The following IGSF3 variants were observed in gnomAD, a reference collection of about 807,000 sequenced individuals.
IGSF3 encodes the protein glu-Trp-Ile EWI motif-containing protein 3.
A neutral mutation model predicts 114.4 loss-of-function variants in IGSF3; 23 were observed. The observed-to-expected ratio is 0.20, with a 90% CI of 0.14 to 0.28. The LOEUF (loss-of-function observed/expected upper bound fraction) is 0.28. Among genes scored for constraint, IGSF3 ranks in the 10% least tolerant of loss-of-function variants. The pLI is 1.00. For synonymous variants in IGSF3, 571 were observed against 645.2 expected (o/e 0.88, Z 1.74); for missense variants, 1,172 against 1,591.5 (o/e 0.74, Z 4.48).
In IGSF3 at chr1:116,647,124, A is replaced by G. The variant is rs1264306186; in HGVS notation, c.43+19160T>C. Among the ~76,000 whole-genome samples the G allele has an allele frequency of 6.6e-6, 1 of 152,242 alleles. No individual in the cohort carries two copies. The highest frequency in any genetic ancestry group is 1.9e-4 in the East Asian group (1 of 5,198). On this transcript the variant is annotated intron_variant, in intron 2 of 10. Transcript: ENST00000369486. This position sits in a 1 kb window ranked among gnomAD's most constrained non-coding sequence, Gnocchi z 4.6. ...CTGGGGGACACTTAGAGGCAAAGGT[A>G]TGGCAGGTGACAAAAAAGATGAGGC...
rs560800286 is a variant in IGSF3 at position 116,644,421 on chromosome 1, G to T, written c.43+21863C>A. Among the ~76,000 whole-genome samples the T allele has an allele frequency of 7.9e-5, 12 of 152,356 alleles. No homozygotes were observed. The highest frequency in any genetic ancestry group is 1.3e-4 in the Non-Finnish European group (9 of 68,032). On this transcript the variant is annotated intron_variant, in intron 2 of 10. Transcript: ENST00000369486. This position sits in a 1 kb window ranked among gnomAD's most constrained non-coding sequence, Gnocchi z 5.6. ...CACAGCAGGAATTCAGCCTCTGGCA[G>T]CCGTGATGATGCTGAGGCAGTGTCC...
At chr1:116,639,282 A>G (rs1237114954) in intron 2 of IGSF3, among the ~76,000 whole-genome samples, 1 of 152,258 alleles carries the variant, frequency 6.6e-6, no homozygotes, top group East Asian at 1.9e-4. Flanking sequence ...GAAGATGGAC[A>G]GGCAGGACCA....
chr1:116,629,556 G>A lies in IGSF3; in HGVS notation c.44-13099C>T, dbSNP rs1330046127. On this transcript the variant is annotated intron_variant, in intron 2 of 10. Coordinates refer to ENST00000369486, the MANE Select transcript of IGSF3 (RefSeq NM_001007237.3). This position sits in a 1 kb window ranked among gnomAD's most constrained non-coding sequence, Gnocchi z 4.3. ...TGAATTCAGGTTGTGTAAGTGGAGA[G>A]GAGGGAGGTGGCCAAGGAGCCTGAA... Among the ~76,000 whole-genome samples, 1 of 152,174 alleles carries A rather than the reference G, an allele frequency of 6.6e-6. No homozygotes were observed. Among genetic ancestry groups the A allele is most frequent in the Non-Finnish European group, 1.5e-5 (1 of 68,020 alleles).
rs1443255724 is a variant in IGSF3 at position 116,588,232 on chromosome 1, T to C, written c.2440+462A>G. ...GAGGAGGAATGATTCAGTTTGGAGA[T>C]AGGAAAGGCTTGTCTGGGCGGGCTG... On this transcript the variant is annotated intron_variant, in intron 8 of 10. Transcript: ENST00000369486. The surrounding 1 kb of genome is among the most constrained non-coding windows in gnomAD (Gnocchi z 4.9). 6.6e-6 allele frequency among the ~76,000 whole-genome samples: 1 copy of C among 151,940 alleles called. No individual in the cohort carries two copies. Among genetic ancestry groups the C allele is most frequent in the Non-Finnish European group, 1.5e-5 (1 of 67,968 alleles).
chr1:116,617,231 C>T, intron 2 of IGSF3: 1 of 938,766 alleles, frequency 1.1e-6, no homozygotes, highest in Non-Finnish European at 1.3e-6. Flanking sequence ...CCGCTGACCT[C>T]CTGCCTTCTG....
Position 116,600,227 on chromosome 1 carries a change from T to G in IGSF3, c.1743A>C (p.Thr581=). The change falls in exon 7 of 11, where the codon ACA becomes ACC. Residue 581 remains threonine, a synonymous_variant. Transcript: ENST00000369486. The surrounding 1 kb of genome is among the most constrained non-coding windows in gnomAD (Gnocchi z 5.5). The stretch of plus-strand genomic sequence containing the variant: ...CCGTGCCCACCGGCTGGAACCGCCA[T>G]GTCACCGACACGGGGACCCAGGCAG... ...HYPAWVPVSV[T]WRFQPVGTVE... is the part of the protein sequence containing the mutation. 1 of 1,614,230 alleles carries G rather than the reference T, an allele frequency of 6.2e-7. No homozygotes were observed. The highest frequency in any genetic ancestry group is 8.5e-7 in the Non-Finnish European group (1 of 1,180,046).
intron 2 of IGSF3, among the ~76,000 whole-genome samples, chr1:116,620,007 C>G (rs919177954): frequency 1.3e-5 from 2 of 151,512 alleles, no homozygotes; most frequent in African/African-American, 4.9e-5. Context: ...AGTTTTATAA[C>G]TAGAAAAAAA....
chr1:116,645,289 C>T (rs1442542998), intron 2 of IGSF3, among the ~76,000 whole-genome samples: 1 of 152,228 alleles, frequency 6.6e-6, no homozygotes, highest in African/African-American at 2.4e-5. Context: ...ATGTGCATCA[C>T]ATTCTGTACA....
chr1:116,621,181 T>C (rs1661405404), intron 2 of IGSF3, among the ~76,000 whole-genome samples: 1 of 152,164 alleles, frequency 6.6e-6, no homozygotes, highest in African/African-American at 2.4e-5. Context: ...CTGCTTCCCC[T>C]TCACCTTCCA....
Position 116,661,958 on chromosome 1 carries a change from C to T in IGSF3, c.43+4326G>A, listed in dbSNP as rs1649135634. 1.3e-5 allele frequency among the ~76,000 whole-genome samples: 2 copies of T among 152,230 alleles called. No individual in the cohort carries two copies. The highest frequency in any genetic ancestry group is 3.4e-3 in the Middle Eastern group (1 of 294). ...TTTTCTTCCTTCCTGATGGCTGCGG[C>T]TAGAAGAGTCATCTTGGACCATGAA... On this transcript the variant is annotated intron_variant, in intron 2 of 10. Coordinates refer to ENST00000369486, the MANE Select transcript of IGSF3 (RefSeq NM_001007237.3). This position sits in a 1 kb window ranked among gnomAD's most constrained non-coding sequence, Gnocchi z 4.0.
In IGSF3 at chr1:116,616,061, G is replaced by A; in HGVS notation, c.421+19C>T. The A allele has an allele frequency of 6.3e-7, 1 of 1,581,546 alleles. No individual in the cohort carries two copies. The highest frequency in any genetic ancestry group is 8.7e-7 in the Non-Finnish European group (1 of 1,154,220). On this transcript the variant is annotated intron_variant, in intron 3 of 10. Coordinates refer to ENST00000369486, the MANE Select transcript of IGSF3 (RefSeq NM_001007237.3). This position sits in a 1 kb window ranked among gnomAD's most constrained non-coding sequence, Gnocchi z 6.6. Reference sequence around the variant, plus strand: ...GAGTCAGGCCAGACGCTGGCAACGTGAAGACAGCTTCTCCTTACCCACTAG... The same window carrying A: ...GAGTCAGGCCAGACGCTGGCAACGTAAAGACAGCTTCTCCTTACCCACTAG...
At chr1:116,663,767 C>A (rs540421715) in intron 2 of IGSF3, among the ~76,000 whole-genome samples, 3 of 152,224 alleles carry the variant, frequency 2.0e-5, no homozygotes, top group Admixed American at 6.5e-5. Flanking sequence ...CCCTCACATA[C>A]TGTCCAGGGT....
rs2284863 is a variant in IGSF3 at position 116,650,130 on chromosome 1, A to C, written c.43+16154T>G. Among the ~76,000 whole-genome samples the C allele has an allele frequency of 0.22, 33,252 of 152,186 alleles. 3,899 individuals carry two copies. The highest frequency in any genetic ancestry group is 0.43 in the East Asian group (2,205 of 5,160). ...TGATAATCTGAATGGTACAAGAAGA[A>C]ATCCTGTTTCATGCTCCTTTGAGGG... On this transcript the variant is annotated intron_variant, in intron 2 of 10. Transcript: ENST00000369486. The surrounding 1 kb of genome is among the most constrained non-coding windows in gnomAD (Gnocchi z 5.0).
At position 116,579,542 on chromosome 1, in the gene IGSF3, G is replaced by A. The variant is rs759853616; in HGVS notation, c.3184C>T (p.Leu1062Phe). Residue 1062 changes from leucine to phenylalanine, a missense_variant, in exon 10 of 11, where the codon CTC (leucine) becomes TTC (phenylalanine). Coordinates refer to ENST00000369486, the MANE Select transcript of IGSF3 (RefSeq NM_001007237.3). The surrounding 1 kb of genome is among the most constrained non-coding windows in gnomAD (Gnocchi z 6.4). Reference sequence around the variant, plus strand: ...GCCTGCAGCACTGTGAGCCGGTAGAGCACCGGGGAGAGCCTCTGGAAGCGA... The same window carrying A: ...GCCTGCAGCACTGTGAGCCGGTAGAACACCGGGGAGAGCCTCTGGAAGCGA... ...RLRFQRLSPV[L>F]YRLTVLQASP... 3.1e-6 allele frequency: 5 copies of A among 1,614,068 alleles called. No homozygotes were observed. The African/African-American group carries it at 5.3e-5, about 17-fold the overall frequency.
chr1:116,616,028 A>G lies in IGSF3; in HGVS notation c.421+52T>C, dbSNP rs1329550407. The G allele has an allele frequency of 3.3e-6, 5 of 1,507,014 alleles. No individual in the cohort carries two copies. In the South Asian group the frequency reaches 5.3e-5, roughly 16 times the overall value. The allele number at this position is 1,507,014 out of a possible 1,614,324, so 93.4% of individuals were successfully genotyped here. A position where few individuals can be genotyped will look rare whatever the true frequency, so the allele number is the denominator to read the frequency against. On this transcript the variant is annotated intron_variant, in intron 3 of 10. Transcript: ENST00000369486. The surrounding 1 kb of genome is among the most constrained non-coding windows in gnomAD (Gnocchi z 6.6). ...TGGCATAAAGCAAAATTACGCTACTAAAGAACTGAGTCAGGCCAGACGCTG... is the reference window on the plus strand; with the variant it reads ...TGGCATAAAGCAAAATTACGCTACTGAAGAACTGAGTCAGGCCAGACGCTG...
At position 116,642,958 on chromosome 1, in the gene IGSF3, C is replaced by T. The variant is rs1648175756; in HGVS notation, c.43+23326G>A. Reference sequence around the variant, plus strand: ...CCCATCTTCACTTGCAATACTCACTCCCCTCACCTCTGCCCCTAAAGCAAT... The same window carrying T: ...CCCATCTTCACTTGCAATACTCACTTCCCTCACCTCTGCCCCTAAAGCAAT... On this transcript the variant is annotated intron_variant, in intron 2 of 10. Transcript: ENST00000369486. This position sits in a 1 kb window ranked among gnomAD's most constrained non-coding sequence, Gnocchi z 5.4. Among the ~76,000 whole-genome samples, 1 of 152,222 alleles carries T rather than the reference C, an allele frequency of 6.6e-6. No individual in the cohort carries two copies. Among genetic ancestry groups the T allele is most frequent in the South Asian group, 2.1e-4 (1 of 4,832 alleles).
rs1410334988 is a variant in IGSF3 at position 116,629,046 on chromosome 1, A to G, written c.44-12589T>C. On this transcript the variant is annotated intron_variant, in intron 2 of 10. Transcript: ENST00000369486. This position sits in a 1 kb window ranked among gnomAD's most constrained non-coding sequence, Gnocchi z 4.3. ...CAAGCTGGAGAGTTCAGGGACTTCC[A>G]AAAGAAGGTACAAGAATGAGCACTA... Among the ~76,000 whole-genome samples the G allele has an allele frequency of 6.6e-6, 1 of 152,220 alleles. No individual in the cohort carries two copies. The highest frequency in any genetic ancestry group is 1.5e-5 in the Non-Finnish European group (1 of 68,044).
intron 1 of IGSF3, among the ~76,000 whole-genome samples, chr1:116,667,176 A>T (rs987933299): frequency 6.6e-6 from 1 of 151,942 alleles, no homozygotes; most frequent in Non-Finnish European, 1.5e-5. Flanking sequence ...AAATACTTCC[A>T]CCAAATGCTT....
In IGSF3 at chr1:116,627,109, G is replaced by T. The variant is rs1571171212; in HGVS notation, c.44-10652C>A. On this transcript the variant is annotated intron_variant, in intron 2 of 10. Coordinates refer to ENST00000369486, the MANE Select transcript of IGSF3 (RefSeq NM_001007237.3). The surrounding 1 kb of genome is among the most constrained non-coding windows in gnomAD (Gnocchi z 4.7). ...CTCTTTCTTTCCGTCCGGTTTTGGAGATAACAGAAATAGGCTGAGTGTTGG... is the reference window on the plus strand; with the variant it reads ...CTCTTTCTTTCCGTCCGGTTTTGGATATAACAGAAATAGGCTGAGTGTTGG... Among the ~76,000 whole-genome samples, 1 of 152,222 alleles carries T rather than the reference G, an allele frequency of 6.6e-6. No homozygotes were observed. The highest frequency in any genetic ancestry group is 2.1e-4 in the South Asian group (1 of 4,820).
Sources: allele counts gnomAD v4.1 joint callset (sites outside exome capture counted in the v4.1 genomes callset), GRCh38; gene constraint gnomAD v4.1.1; non-coding constraint Gnocchi (gnomAD v3.1); transcripts MANE v1.5; gene names NCBI Gene and HGNC (gene_info 2026-07-23, HGNC 2026-07-21).